SMPDL3B: variants seen among roughly 807,000 people sequenced by gnomAD.
SMPDL3B encodes sphingomyelin phosphodiesterase acid like 3B.
Under a neutral mutation model 37.9 loss-of-function variants are expected in SMPDL3B, and 31 were observed. That is an observed-to-expected ratio of 0.82 (90% CI 0.61 to 1.10). The LOEUF (loss-of-function observed/expected upper bound fraction) is 1.10. Ranked by LOEUF, SMPDL3B falls within the 50% of genes least tolerant of loss-of-function variation. The probability of loss-of-function intolerance (pLI) is 0.00; values close to 1 mark genes in which losing one functional copy is unlikely to be tolerated. For missense variants in SMPDL3B, 525 were observed against 597.8 expected (o/e 0.88, Z 1.27); for synonymous variants, 235 against 242.6 (o/e 0.97, Z 0.29).
At chr1:27,948,011 T>C (rs2090425317) in intron 2 of SMPDL3B, among the ~76,000 whole-genome samples, 1 of 152,224 alleles carries the variant, frequency 6.6e-6, no homozygotes, top group South Asian at 2.1e-4. Flanking sequence ...CCCCTCTTGC[T>C]GCCCTAATGT....
intron 7 of SMPDL3B, chr1:27,956,300 G>C: frequency 6.7e-7 from 1 of 1,501,264 alleles, no homozygotes; most frequent in Non-Finnish European, 8.9e-7. Context: ...CTGGATGACT[G>C]TCACAGCTTC....
At chr1:27,956,491 C>T in intron 7 of SMPDL3B, 1 of 1,137,054 alleles carries the variant, frequency 8.8e-7, no homozygotes, top group African/African-American at 1.6e-5. Flanking sequence ...CTCAAGGCTT[C>T]CCACAGTCTG....
Position 27,945,513 on chromosome 1 carries a change from C to T in SMPDL3B, c.275+68C>T, listed in dbSNP as rs554773189. On this transcript the variant is annotated intron_variant, in intron 2 of 7. Coordinates refer to ENST00000373894, the MANE Select transcript of SMPDL3B (RefSeq NM_014474.4). This position sits in a 1 kb window ranked among gnomAD's most constrained non-coding sequence, Gnocchi z 4.0. ...GCTATGTGCTACATACCAGTCTGGCCCTTTGCCCACATTATCTCCCTTAAT... is the reference window on the plus strand; with the variant it reads ...GCTATGTGCTACATACCAGTCTGGCTCTTTGCCCACATTATCTCCCTTAAT... The T allele has an allele frequency of 3.2e-4, 393 of 1,246,284 alleles. No homozygotes were observed. Among genetic ancestry groups the T allele is most frequent in the Non-Finnish European group, 4.3e-4 (367 of 857,318 alleles). 77.2% of individuals were successfully genotyped at this position (1,246,284 alleles called of 1,614,324 possible). A position where few individuals can be genotyped will look rare whatever the true frequency, so the allele number is the denominator to read the frequency against.
At chr1:27,947,512 G>A (rs1196103312) in intron 2 of SMPDL3B, among the ~76,000 whole-genome samples, 1 of 147,694 alleles carries the variant, frequency 6.8e-6, no homozygotes, top group African/African-American at 2.6e-5. Context: ...TTACTACTCA[G>A]GAGGCTGAGG....
At chr1:27,954,618 GC>G (rs1283526909) in intron 5 of SMPDL3B, 92 bp downstream of exon 5, 54 of 1,244,294 alleles carry the variant, frequency 4.3e-5, no homozygotes, top group Non-Finnish European at 6.2e-5. Context: ...ACCCAAAGAT[GC>G]CCATATCCCA....
chr1:27,939,806 T>G (rs1484738638), intron 1 of SMPDL3B, among the ~76,000 whole-genome samples: 1 of 118,318 alleles, frequency 8.5e-6, no homozygotes, highest in Non-Finnish European at 1.9e-5. Flanking sequence ...GGGTTTTTGT[T>G]TGTTTGTTTT....
intron 3 of SMPDL3B, 56 bp from the exon 4 acceptor site, chr1:27,953,159 T>C: frequency 1.4e-6 from 2 of 1,442,754 alleles, no homozygotes; most frequent in Non-Finnish European, 1.9e-6. Context: ...AGAAAATGAT[T>C]AACTCCCCCG....
At chr1:27,937,725 C>T (rs1456668048) in intron 1 of SMPDL3B, among the ~76,000 whole-genome samples, 2 of 152,154 alleles carry the variant, frequency 1.3e-5, no homozygotes, top group African/African-American at 4.8e-5. Context: ...GGAATGAGTC[C>T]TAAGGCTGCC....
At chr1:27,935,870 T>C (rs2090303653) in intron 1 of SMPDL3B, among the ~76,000 whole-genome samples, 1 of 152,012 alleles carries the variant, frequency 6.6e-6, no homozygotes, top group South Asian at 2.1e-4. Context: ...GAGAGGACAG[T>C]GCACGGGGTC....
intron 1 of SMPDL3B, 33 bp downstream of exon 1, chr1:27,935,277 T>C (rs2090297172): frequency 1.3e-6 from 2 of 1,537,332 alleles, no homozygotes; most frequent in African/African-American, 2.7e-5. Flanking sequence ...TATGCCTTTG[T>C]TTTGTACTGT....
intron 1 of SMPDL3B, among the ~76,000 whole-genome samples, chr1:27,937,244 A>G (rs1031846887): frequency 5.9e-5 from 9 of 152,150 alleles, no homozygotes; most frequent in Non-Finnish European, 1.5e-5. Flanking sequence ...CCTCCTACAC[A>G]TGTCCTGTGT....
intron 1 of SMPDL3B, among the ~76,000 whole-genome samples, chr1:27,940,610 C>T (rs911219153): frequency 1.3e-5 from 2 of 152,266 alleles, no homozygotes; most frequent in South Asian, 2.1e-4. Context: ...GTGGCCTCAG[C>T]TACTCACTGT....
At chr1:27,947,643 G>A (rs1210655720) in intron 2 of SMPDL3B, among the ~76,000 whole-genome samples, 2 of 107,326 alleles carry the variant, frequency 1.9e-5, no homozygotes, top group East Asian at 3.5e-4. Context: ...AAGAAATTAG[G>A]TGTTTTTTTG....
chr1:27,942,318 T>TC (rs138466566), intron 1 of SMPDL3B: 115,472 of 430,000 alleles, frequency 0.27, 14,910 homozygotes, highest in Admixed American at 0.32. Context: ...GCAAAGGGCC[T>TC]CCCCCAACAT....
chr1:27,937,707 T>C (rs1214810248), intron 1 of SMPDL3B, among the ~76,000 whole-genome samples: 2 of 152,142 alleles, frequency 1.3e-5, no homozygotes, highest in East Asian at 3.9e-4. Flanking sequence ...AGGGGCAGTG[T>C]GGCCCAGGGA....
At chr1:27,942,720 G>A (rs1305203278) in intron 1 of SMPDL3B, among the ~76,000 whole-genome samples, 1 of 151,952 alleles carries the variant, frequency 6.6e-6, no homozygotes, top group African/African-American at 2.4e-5. Context: ...CTGGAGTGCA[G>A]TGGCACAATC....
intron 7 of SMPDL3B, among the ~76,000 whole-genome samples, chr1:27,957,199 G>A (rs1467536957): frequency 2.6e-4 from 39 of 152,282 alleles, no homozygotes; most frequent in Admixed American, 2.5e-3. Context: ...GAGCAGTGAG[G>A]CCGTTTGGAG....
Position 27,959,101 on chromosome 1 carries a change from T to C in SMPDL3B, c.*263T>C, listed in dbSNP as rs929564235. 2.3e-5 allele frequency: 11 copies of C among 480,970 alleles called. No homozygotes were observed. The highest frequency in any genetic ancestry group is 4.1e-5 in the Non-Finnish European group (11 of 265,874). 29.8% of individuals were successfully genotyped at this position (480,970 alleles called of 1,614,324 possible). ...ACCCAAGACCCCCCTACAAGCATACTTCTTTTGCGTATTATGTTTAACTCA... is the reference window on the plus strand; with the variant it reads ...ACCCAAGACCCCCCTACAAGCATACCTCTTTTGCGTATTATGTTTAACTCA... On this transcript the variant is annotated 3_prime_UTR_variant, in exon 8 of 8. Transcript: ENST00000373894.
intron 2 of SMPDL3B, among the ~76,000 whole-genome samples, chr1:27,946,201 A>G (rs954511031): frequency 1.3e-5 from 2 of 151,870 alleles, no homozygotes; most frequent in African/African-American, 4.8e-5. Context: ...AAAAATACAA[A>G]AATTAGCCTG....
Sources: allele counts gnomAD v4.1 joint callset (sites outside exome capture counted in the v4.1 genomes callset), GRCh38; gene constraint gnomAD v4.1.1; non-coding constraint Gnocchi (gnomAD v3.1); transcripts MANE v1.5; gene names NCBI Gene and HGNC (gene_info 2026-07-23, HGNC 2026-07-21).